KANK1: variants seen among roughly 807,000 people sequenced by gnomAD.
The protein encoded by KANK1 is KN motif and ankyrin repeat domains 1, also known as KN motif and ankyrin repeat domain-containing protein 1.
A neutral mutation model predicts 106.2 loss-of-function variants in KANK1; 109 were observed. The observed-to-expected ratio is 1.03, with a 90% CI of 0.88 to 1.20. The LOEUF (loss-of-function observed/expected upper bound fraction) is 1.20. Among genes scored for constraint, KANK1 ranks in the 50% most tolerant of loss-of-function variants. The pLI, the probability that KANK1 is intolerant of heterozygous loss-of-function variation, is 0.00. For synonymous variants in KANK1, 873 were observed against 652.2 expected (o/e 1.34, Z -5.16); for missense variants, 2,399 against 1,710.7 (o/e 1.40, Z -7.10).
chr9:556,673 A>G (rs183544178), intron 1 of KANK1, among the ~76,000 whole-genome samples: 21 of 72,480 alleles, frequency 2.9e-4, no homozygotes, highest in African/African-American at 1.1e-3. Flanking sequence ...TCCTTACTCA[A>G]ATTGCTAGCC....
chr9:513,218 A>T (rs10974931), intron 1 of KANK1, among the ~76,000 whole-genome samples: 24,633 of 152,132 alleles, frequency 0.16, 3,606 homozygotes, highest in African/African-American at 0.39. Context: ...TCTTCCCTAC[A>T]CTTAGCATTT....
intron 3 of KANK1, chr9:477,664 A>T (rs1436608039): frequency 2.0e-5 from 3 of 152,264 alleles, no homozygotes; most frequent in African/African-American, 7.2e-5. Context: ...AAAGAAAGGA[A>T]TCCCAAAAGA....
intron 1 of KANK1, among the ~76,000 whole-genome samples, chr9:647,606 C>T (rs1839958310): frequency 6.6e-6 from 1 of 150,696 alleles, no homozygotes; most frequent in Admixed American, 6.6e-5. Flanking sequence ...CTTAAGAAAA[C>T]TCTTAGTATA....
intron 1 of KANK1, among the ~76,000 whole-genome samples, chr9:566,587 A>G (rs1398005277): frequency 4.6e-5 from 7 of 151,998 alleles, no homozygotes; most frequent in Admixed American, 4.6e-4. Flanking sequence ...TGTGGTTGTT[A>G]TTTGCGTTTC....
chr9:607,663 T>C (rs1588200854), intron 1 of KANK1, among the ~76,000 whole-genome samples: 1 of 151,686 alleles, frequency 6.6e-6, no homozygotes, highest in African/African-American at 2.4e-5. Flanking sequence ...AGCCTTGTTC[T>C]CTTCACCCAG....
At chr9:486,887 A>G (rs897986684) in intron 3 of KANK1, among the ~76,000 whole-genome samples, 2 of 152,234 alleles carry the variant, frequency 1.3e-5, no homozygotes, top group African/African-American at 2.4e-5. Flanking sequence ...GTAAAGTTTA[A>G]TCATGGCAAA....
At chr9:603,958 CAAAAA>C (rs71314719) in intron 1 of KANK1, among the ~76,000 whole-genome samples, 2 of 94,526 alleles carry the variant, frequency 2.1e-5, no homozygotes, top group Admixed American at 1.3e-4. Flanking sequence ...GACTCTGTCT[CAAAAA>C]AAAAAAAAAA....
chr9:509,951 C>A (rs991661398), intron 1 of KANK1, among the ~76,000 whole-genome samples: 29 of 151,716 alleles, frequency 1.9e-4, no homozygotes, highest in African/African-American at 6.8e-4. Context: ...CAGGCATGTG[C>A]CACTGCACTC....
chr9:603,301 C>T (rs1330239421), intron 1 of KANK1, among the ~76,000 whole-genome samples: 1 of 151,834 alleles, frequency 6.6e-6, no homozygotes. Context: ...GAATTGTTTT[C>T]AGTTCAGAAA....
At position 474,734 on chromosome 9, in the gene KANK1, G is replaced by A. The variant is rs558353718; in HGVS notation, c.-362+1461G>A. The stretch of plus-strand genomic sequence containing the variant: ...TTCTTCCCTCCTCCCCTGAAATGGG[G>A]TTGAGCAGGGGGAGATCAGAGGATG... On this transcript the variant is annotated intron_variant, in intron 3 of 15. Coordinates refer to the KANK1 transcript ENST00000382303. 1.3e-3 allele frequency among the ~76,000 whole-genome samples: 194 copies of A among 152,134 alleles called. 1 individual carries two copies. The highest frequency in any genetic ancestry group is 2.0e-3 in the Non-Finnish European group (134 of 68,038).
At chr9:609,449 G>A (rs192256083) in intron 1 of KANK1, among the ~76,000 whole-genome samples, 113 of 152,202 alleles carry the variant, frequency 7.4e-4, no homozygotes, top group African/African-American at 2.6e-3. Context: ...CCAACATGGT[G>A]AAACCCCATC....
chr9:633,053 A>T (rs530723873), intron 1 of KANK1, among the ~76,000 whole-genome samples: 1 of 151,958 alleles, frequency 6.6e-6, no homozygotes. Context: ...CTCCCTCCAC[A>T]TCTTATGAGG....
chr9:557,671 G>C (rs928273912), intron 1 of KANK1, among the ~76,000 whole-genome samples: 1 of 152,202 alleles, frequency 6.6e-6, no homozygotes, highest in Admixed American at 6.5e-5. Flanking sequence ...GGGTGAGGAA[G>C]AACAGGAGAA....
At position 579,242 on chromosome 9, in the gene KANK1, C is replaced by T. The variant is rs146283661; in HGVS notation, c.-84+74488C>T. Among the ~76,000 whole-genome samples the T allele has an allele frequency of 5.0e-3, 757 of 150,978 alleles. 14 individuals are homozygous for T. The highest frequency in any genetic ancestry group is 0.017 in the African/African-American group (700 of 41,278). On this transcript the variant is annotated intron_variant, in intron 1 of 11. Coordinates refer to ENST00000382297, the MANE Select transcript of KANK1 (RefSeq NM_015158.5). ...TGCTTCCCTCTGCCCCCAGTGTGGG[C>T]TCCCGTAGCACAGCTGGGTATTAGC...
intron 2 of KANK1, among the ~76,000 whole-genome samples, chr9:686,025 G>A (rs985569181): frequency 6.6e-6 from 1 of 152,164 alleles, no homozygotes; most frequent in African/African-American, 2.4e-5. Context: ...GAAGAAAGGG[G>A]GAAGAATATT....
Position 553,726 on chromosome 9 carries a change from A to C in KANK1, c.-84+48972A>C, listed in dbSNP as rs1185895270. 8.5e-5 allele frequency among the ~76,000 whole-genome samples: 13 copies of C among 152,322 alleles called. No individual in the cohort carries two copies. In the East Asian group the frequency reaches 2.5e-3, roughly 29 times the overall value. ...AGTTTCATATTAGTCACCCTCTTCT[A>C]CTGAACTTTGGTAAATTCAAAGCTT... On this transcript the variant is annotated intron_variant, in intron 1 of 11. Transcript: ENST00000382297.
chr9:631,662 C>T (rs1263437145), intron 1 of KANK1, among the ~76,000 whole-genome samples: 1 of 152,188 alleles, frequency 6.6e-6, no homozygotes, highest in Non-Finnish European at 1.5e-5. Flanking sequence ...TTCAGTGACT[C>T]CTGCTGCTTC....
At chr9:557,521 A>G (rs1241302057) in intron 1 of KANK1, among the ~76,000 whole-genome samples, 2 of 152,252 alleles carry the variant, frequency 1.3e-5, no homozygotes, top group East Asian at 1.9e-4. Flanking sequence ...AAAAATGTCC[A>G]TATCATCCTG....
At chr9:661,069 T>A (rs1843188200) in intron 1 of KANK1, among the ~76,000 whole-genome samples, 1 of 117,614 alleles carries the variant, frequency 8.5e-6, no homozygotes, top group Non-Finnish European at 1.7e-5. Context: ...AGTAACCAAC[T>A]GGTTTTGAGG....
Sources: gnomAD v4.1 joint callset for allele counts (sites outside exome capture counted in the v4.1 genomes callset) on GRCh38, gnomAD v4.1.1 for gene constraint, MANE v1.5 for transcripts, NCBI Gene and HGNC (gene_info 2026-07-23, HGNC 2026-07-21) for gene names.